MYO1B: variants seen among roughly 807,000 people sequenced by gnomAD.
MYO1B encodes the protein myosin IB, also known as unconventional myosin-Ib.
In MYO1B, 72 loss-of-function variants were observed where a neutral mutation model predicts 159.7. The ratio of observed to expected loss-of-function variants is 0.45; its 90% CI spans 0.37 to 0.55. The LOEUF is 0.55. Ranked by LOEUF, MYO1B falls within the 20% of genes least tolerant of loss-of-function variation. The probability of loss-of-function intolerance (pLI) is 0.00; values close to 1 mark genes in which losing one functional copy is unlikely to be tolerated. For synonymous variants in MYO1B, 468 were observed against 473.8 expected (o/e 0.99, Z 0.16); for missense variants, 1,062 against 1,364.8 (o/e 0.78, Z 3.50).
At chr2:191,276,468 A>G (rs746786449) in intron 1 of MYO1B, among the ~76,000 whole-genome samples, 2 of 152,200 alleles carry the variant, frequency 1.3e-5, no homozygotes, top group Non-Finnish European at 2.9e-5. Flanking sequence ...TAAACAACAA[A>G]TGTTAGCAGC....
chr2:191,274,361 G>T (rs912639750), intron 1 of MYO1B, among the ~76,000 whole-genome samples: 1 of 152,204 alleles, frequency 6.6e-6, no homozygotes, highest in South Asian at 2.1e-4. Flanking sequence ...GGAAAAGATG[G>T]TGAAGCGGGT....
intron 2 of MYO1B, among the ~76,000 whole-genome samples, chr2:191,294,908 G>A (rs923169125): frequency 1.3e-5 from 2 of 151,626 alleles, no homozygotes; most frequent in South Asian, 2.1e-4. Context: ...ACATTTCTAC[G>A]TTCCTTCATT....
At chr2:191,313,024 T>C (rs1036582227) in intron 3 of MYO1B, among the ~76,000 whole-genome samples, 1 of 152,124 alleles carries the variant, frequency 6.6e-6, no homozygotes, top group African/African-American at 2.4e-5. Flanking sequence ...TAGGTTATTT[T>C]TGAGTGGCAG....
chr2:191,260,254 C>CTTTTTTTTTTTTTTTTT lies in MYO1B; in HGVS notation c.-10+14641_-10+14642insTTTTTTTTTTTTTTTTT, dbSNP rs57237733. ...TAATATTACTTTTTTCCCAGATAGG[C>CTTTTTTTTTTTTTTTTT]TTTTTTTTTTTTTGAATTAAAGCTA... On this transcript the variant is annotated intron_variant, in intron 1 of 30. Transcript: ENST00000392318. Among the ~76,000 whole-genome samples the CTTTTTTTTTTTTTTTTT allele has an allele frequency of 3.2e-3, 195 of 60,924 alleles. 19 individuals are homozygous for CTTTTTTTTTTTTTTTTT. The highest frequency in any genetic ancestry group is 6.0e-3 in the African/African-American group (165 of 27,368). The allele number at this position is 60,924 out of a possible 152,430, so 40.0% of individuals were successfully genotyped here.
chr2:191,313,442 T>C (rs1228874308), intron 3 of MYO1B, among the ~76,000 whole-genome samples: 2 of 151,960 alleles, frequency 1.3e-5, no homozygotes, highest in Non-Finnish European at 2.9e-5. Context: ...TGGAGTGCAG[T>C]GGCACGATCT....
chr2:191,277,975 G>A (rs1218533684), intron 2 of MYO1B, among the ~76,000 whole-genome samples: 1 of 152,206 alleles, frequency 6.6e-6, no homozygotes, highest in Non-Finnish European at 1.5e-5. Flanking sequence ...AGTGATACAA[G>A]TAGGATCAGT....
At chr2:191,369,675 C>A in intron 12 of MYO1B, 47 bp downstream of exon 12, 1 of 1,371,208 alleles carries the variant, frequency 7.3e-7, no homozygotes, top group Non-Finnish European at 1.0e-6. Context: ...ATGGTATTCA[C>A]AGTATAAACA....
chr2:191,290,210 T>C (rs761083188), intron 2 of MYO1B, among the ~76,000 whole-genome samples: 3 of 152,238 alleles, frequency 2.0e-5, no homozygotes, highest in African/African-American at 4.8e-5. Flanking sequence ...TCTTCATCAC[T>C]TCTTACTTAT....
chr2:191,276,907 G>A lies in MYO1B; in HGVS notation c.12G>A (p.Met4Ile). 6.2e-7 allele frequency: 1 copy of A among 1,607,286 alleles called. No individual in the cohort carries two copies. The highest frequency in any genetic ancestry group is 8.5e-7 in the Non-Finnish European group (1 of 1,177,762). MAKMEVKTSLLDNM... is the reference protein window; with the variant it reads MAKIEVKTSLLDNM... ...TGCAGCTGGAGACCATGGCCAAAAT[G>A]GAGGTGAAAACCTCACTTCTGGACA... The change falls in exon 2 of 31, where the codon ATG becomes ATA. Residue 4 changes from methionine (M) to isoleucine (I), a missense_variant. Physicochemically the swap from Met to Ile is conservative, Grantham distance 10 (BLOSUM62 1). Coordinates refer to ENST00000392318, the MANE Select transcript of MYO1B (RefSeq NM_001130158.3).
In MYO1B at chr2:191,323,656, A is replaced by G. The variant is rs1241801908; in HGVS notation, c.252-6279A>G. ...TGAAAACAAGTATGATTCTAAAGGA[A>G]GAAGAAACTAAAATGCATATTCATC... On this transcript the variant is annotated intron_variant, in intron 3 of 30. Coordinates refer to ENST00000392318, the MANE Select transcript of MYO1B (RefSeq NM_001130158.3). 3.3e-5 allele frequency among the ~76,000 whole-genome samples: 5 copies of G among 152,306 alleles called. No individual in the cohort carries two copies. In the South Asian group the frequency reaches 1.0e-3, roughly 32 times the overall value.
At chr2:191,319,819 T>TA (rs1202609695) in intron 3 of MYO1B, among the ~76,000 whole-genome samples, 2 of 152,178 alleles carry the variant, frequency 1.3e-5, no homozygotes, top group East Asian at 3.8e-4. Flanking sequence ...ACAAATTTCT[T>TA]ACAGAAATGT....
intron 4 of MYO1B, among the ~76,000 whole-genome samples, chr2:191,337,317 A>G (rs1166155792): frequency 2.6e-5 from 4 of 152,336 alleles, no homozygotes; most frequent in Admixed American, 6.5e-5. Flanking sequence ...TAATTACATG[A>G]TAATACATAT....
chr2:191,385,702 G>T (rs1460570529), intron 15 of MYO1B, among the ~76,000 whole-genome samples, 182 bp from the exon 16 acceptor site: 2 of 152,182 alleles, frequency 1.3e-5, no homozygotes, highest in African/African-American at 4.8e-5. Context: ...ACACACCTGG[G>T]ATCCTTCAGG....
chr2:191,296,079 C>T, intron 2 of MYO1B, 32 bp from the exon 3 acceptor site: 1 of 1,301,666 alleles, frequency 7.7e-7, no homozygotes, highest in Non-Finnish European at 1.1e-6. Context: ...TGTGTACTAA[C>T]TAATGGGCAT....
intron 4 of MYO1B, among the ~76,000 whole-genome samples, chr2:191,330,687 A>C (rs1691413373): frequency 1.3e-5 from 2 of 152,200 alleles, no homozygotes; most frequent in Non-Finnish European, 2.9e-5. Context: ...TCAACCTTAG[A>C]AACGTTTAAA....
At chr2:191,250,769 C>G (rs996164938) in intron 1 of MYO1B, among the ~76,000 whole-genome samples, 17 of 152,276 alleles carry the variant, frequency 1.1e-4, no homozygotes, top group South Asian at 2.1e-4. Context: ...AGAGGTCAAG[C>G]CTCAAAGACC....
At chr2:191,355,228 CA>C (rs1693195020) in intron 7 of MYO1B, among the ~76,000 whole-genome samples, 1 of 152,194 alleles carries the variant, frequency 6.6e-6, no homozygotes, top group African/African-American at 2.4e-5. Flanking sequence ...AGCCAGTCGC[CA>C]GCAGACAACC....
chr2:191,393,844 G>A (rs1225884669), intron 20 of MYO1B, among the ~76,000 whole-genome samples: 2 of 152,142 alleles, frequency 1.3e-5, no homozygotes, highest in African/African-American at 4.8e-5. Flanking sequence ...TAGAGATTTT[G>A]TTGAAGGCAT....
chr2:191,405,434 A>C (rs1439933254), intron 24 of MYO1B, among the ~76,000 whole-genome samples: 2 of 152,192 alleles, frequency 1.3e-5, no homozygotes, highest in African/African-American at 4.8e-5. Flanking sequence ...AATATTCTTA[A>C]TGGCATCCAG....
Sources: gnomAD v4.1 joint callset for allele counts (sites outside exome capture counted in the v4.1 genomes callset) on GRCh38, gnomAD v4.1.1 for gene constraint, MANE v1.5 for transcripts, NCBI Gene and HGNC (gene_info 2026-07-23, HGNC 2026-07-21) for gene names.